KLRG1: variants seen among roughly 807,000 people sequenced by gnomAD.
KLRG1 encodes the protein killer cell lectin-like receptor subfamily G member 1.
Under a neutral mutation model 21.8 loss-of-function variants are expected in KLRG1, and 16 were observed. The ratio of observed to expected loss-of-function variants is 0.73; its 90% CI spans 0.50 to 1.11. KLRG1 has a LOEUF of 1.11. Ranked by LOEUF, KLRG1 falls within the 50% of genes most tolerant of loss-of-function variation. The probability of loss-of-function intolerance (pLI) is 0.00; values close to 1 mark genes in which losing one functional copy is unlikely to be tolerated. For missense variants in KLRG1, 173 were observed against 218.3 expected, an observed-to-expected ratio of 0.79 and a Z score of 1.31; for synonymous variants, 69 against 75.9, an observed-to-expected ratio of 0.91 and a Z score of 0.47.
the KLRG1 span, among the ~76,000 whole-genome samples, chr12:9,194,766 A>G: frequency 1.3e-5 from 2 of 152,102 alleles, no homozygotes; most frequent in African/African-American, 4.8e-5. Context: ...GCCCGGCCAA[A>G]GTCAGGGAGA....
chr12:9,177,500 G>A, the KLRG1 span, among the ~76,000 whole-genome samples: 2 of 152,178 alleles, frequency 1.3e-5, no homozygotes, highest in Non-Finnish European at 2.9e-5. Flanking sequence ...AATTGCATGT[G>A]ATAATAAATG....
At chr12:9,096,669 A>C in the KLRG1 span, among the ~76,000 whole-genome samples, 1 of 152,250 alleles carries the variant, frequency 6.6e-6, no homozygotes. Context: ...TATTCGTAGG[A>C]GTTTAAAACT....
chr12:9,191,232 T>C, the KLRG1 span, among the ~76,000 whole-genome samples: 4 of 152,112 alleles, frequency 2.6e-5, no homozygotes, highest in African/African-American at 9.7e-5. Flanking sequence ...TTAAAACCTT[T>C]GATTATTTCT....
the KLRG1 span, among the ~76,000 whole-genome samples, chr12:9,170,770 C>T: frequency 3.3e-5 from 5 of 152,200 alleles, no homozygotes; most frequent in Non-Finnish European, 5.9e-5. The surrounding 1 kb of genome is among the most constrained non-coding windows in gnomAD (Gnocchi z 4.6). Flanking sequence ...CTGATCCATT[C>T]CTCCTCATCG....
At chr12:9,122,091 T>G in the KLRG1 span, among the ~76,000 whole-genome samples, 1 of 152,250 alleles carries the variant, frequency 6.6e-6, no homozygotes, top group Non-Finnish European at 1.5e-5. Context: ...ATCTTTATTT[T>G]CTGATTAAGA....
chr12:9,108,362 G>A, the KLRG1 span, among the ~76,000 whole-genome samples: 4 of 152,072 alleles, frequency 2.6e-5, no homozygotes, highest in Admixed American at 6.5e-5. Context: ...TCCTGACCTC[G>A]TGATCTGCCC....
the KLRG1 span, chr12:9,110,449 A>T: frequency 1.8e-6 from 1 of 553,054 alleles, no homozygotes; most frequent in East Asian, 3.3e-5. Context: ...AGTAAAAAAT[A>T]ATTTAATTGT....
chr12:9,075,703 G>A, the KLRG1 span, among the ~76,000 whole-genome samples: 1 of 151,350 alleles, frequency 6.6e-6, no homozygotes, highest in African/African-American at 2.5e-5. Context: ...TGAAACACAT[G>A]TGAAGATTCT....
the KLRG1 span, among the ~76,000 whole-genome samples, chr12:9,189,738 T>C: frequency 4.6e-5 from 7 of 152,178 alleles, no homozygotes; most frequent in African/African-American, 1.7e-4. Flanking sequence ...TTGCAATCTA[T>C]GCATCCAATA....
chr12:9,208,430 C>T, the KLRG1 span: 1 of 993,106 alleles, frequency 1.0e-6, no homozygotes, highest in Non-Finnish European at 1.6e-6. Flanking sequence ...TTTATGTGGC[C>T]ACTATGTACA....
chr12:9,214,508 TA>T, the KLRG1 span, among the ~76,000 whole-genome samples: 1 of 152,058 alleles, frequency 6.6e-6, no homozygotes. Context: ...CCTTTTGTGC[TA>T]ATGTCACCTT....
At chr12:9,160,847 G>A in the KLRG1 span, among the ~76,000 whole-genome samples, 1 of 151,818 alleles carries the variant, frequency 6.6e-6, no homozygotes, top group African/African-American at 2.4e-5. Flanking sequence ...CCCAGGAGGC[G>A]GAGCTTGCAG....
chr12:9,120,497 T>C, the KLRG1 span, among the ~76,000 whole-genome samples: 12 of 152,132 alleles, frequency 7.9e-5, no homozygotes, highest in African/African-American at 2.9e-4. Flanking sequence ...TTAACAAAAA[T>C]AAATAGAATC....
the KLRG1 span, chr12:9,201,310 C>CT: frequency 7.4e-5 from 113 of 1,525,856 alleles, no homozygotes; most frequent in African/African-American, 1.4e-3. Context: ...TTATAAGATA[C>CT]TTTTTCTGAT....
chr12:9,133,434 G>A, the KLRG1 span, among the ~76,000 whole-genome samples: 1 of 152,108 alleles, frequency 6.6e-6, no homozygotes, highest in Non-Finnish European at 1.5e-5. Context: ...TCCTGCCATT[G>A]GGGATTATAC....
At chr12:9,092,388 T>C in the KLRG1 span, among the ~76,000 whole-genome samples, 1 of 152,106 alleles carries the variant, frequency 6.6e-6, no homozygotes, top group Non-Finnish European at 1.5e-5. Context: ...AATAGGCCTT[T>C]GAGCAATGCC....
At chr12:9,014,066 A>C (rs921255893), downstream of KLRG1, among the ~76,000 whole-genome samples, 2 of 152,148 alleles carry the variant, frequency 1.3e-5, no homozygotes, top group African/African-American at 2.4e-5. Flanking sequence ...CAGGCAGAGG[A>C]GACAACAGAA....
At chr12:9,204,950 A>G in the KLRG1 span, among the ~76,000 whole-genome samples, 1 of 151,968 alleles carries the variant, frequency 6.6e-6, no homozygotes, top group African/African-American at 2.4e-5. Context: ...TAAAATAAAA[A>G]ATTTAGCCAG....
At chr12:9,202,352 G>C in the KLRG1 span, 30 of 1,614,082 alleles carry the variant, frequency 1.9e-5, 1 homozygote, top group South Asian at 3.3e-4. Context: ...TTTCATCCAC[G>C]GAGACAACAC....
Sources: allele counts gnomAD v4.1 joint callset (sites outside exome capture counted in the v4.1 genomes callset), GRCh38; gene constraint gnomAD v4.1.1; non-coding constraint Gnocchi (gnomAD v3.1); transcripts MANE v1.5; gene names NCBI Gene and HGNC (gene_info 2026-07-23, HGNC 2026-07-21).